The following TMEM63C variants were observed in gnomAD, a reference collection of about 807,000 sequenced individuals.
TMEM63C encodes transmembrane protein 63C, also known as osmosensitive cation channel TMEM63C.
TMEM63C carries 32 observed loss-of-function variants against 99.2 expected under a neutral mutation model. The observed-to-expected ratio is 0.32, with a 90% CI of 0.24 to 0.43. The LOEUF (loss-of-function observed/expected upper bound fraction) is 0.43, where lower values mean the gene tolerates loss of function less well. TMEM63C is among the 20% of genes least tolerant of loss of function. TMEM63C has a pLI of 1.00. For synonymous variants in TMEM63C, 376 were observed against 397.9 expected, an observed-to-expected ratio of 0.94 and a Z score of 0.66; for missense variants, 826 against 1,053.0, an observed-to-expected ratio of 0.78 and a Z score of 2.98.
chr14:77,186,890 G>T (rs1258421787), intron 1 of TMEM63C, among the ~76,000 whole-genome samples: 1 of 151,720 alleles, frequency 6.6e-6, no homozygotes, highest in Non-Finnish European at 1.5e-5. Context: ...GCTGGACCAG[G>T]GATCCTTCCT....
At chr14:77,253,681 G>A (rs1166397369) in intron 23 of TMEM63C, among the ~76,000 whole-genome samples, 3 of 152,246 alleles carry the variant, frequency 2.0e-5, no homozygotes, top group Non-Finnish European at 4.4e-5. Context: ...TCATGTAGAC[G>A]CAGGGGGGCC....
Position 77,239,616 on chromosome 14 carries a change from C to T in TMEM63C, c.820C>T (p.Arg274Trp), listed in dbSNP as rs747557554. Residue 274 changes from arginine (R) to tryptophan (W), a missense_variant, in exon 12 of 24, where the codon CGG becomes TGG. Arg to Trp is a moderately radical substitution (Grantham distance 101, BLOSUM62 -3). Coordinates refer to ENST00000298351, the MANE Select transcript of TMEM63C (RefSeq NM_020431.4). Reference protein sequence around the residue: ...DLDDQRRHAMRGRLFYTAKAK... With the variant: ...DLDDQRRHAMWGRLFYTAKAK... ...CACCGCTGGCAGGCGCCATGCCATG[C>T]GGGGCCGGCTTTTCTATACAGCCAA... 25 of 1,613,122 alleles carry T rather than the reference C, an allele frequency of 1.5e-5. No individual in the cohort carries two copies. The highest frequency in any genetic ancestry group is 4.5e-5 in the East Asian group (2 of 44,886).
At chr14:77,183,580 G>T (rs149327026) in intron 1 of TMEM63C, among the ~76,000 whole-genome samples, 1 of 152,104 alleles carries the variant, frequency 6.6e-6, no homozygotes, top group Non-Finnish European at 1.5e-5. Context: ...ACAGGTAGAG[G>T]GACTTCATTT....
intron 23 of TMEM63C, among the ~76,000 whole-genome samples, chr14:77,255,149 C>T: frequency 6.6e-6 from 1 of 152,146 alleles, no homozygotes; most frequent in Admixed American, 6.6e-5. Flanking sequence ...TGCCATCACA[C>T]CTGGCTAATT....
chr14:77,197,718 C>A (rs948166097), intron 1 of TMEM63C, among the ~76,000 whole-genome samples: 3 of 152,244 alleles, frequency 2.0e-5, no homozygotes, highest in African/African-American at 7.2e-5. Context: ...CTACAACCAA[C>A]CATGACTCCC....
In TMEM63C at chr14:77,233,790, C is replaced by G. The variant is rs1594863377; in HGVS notation, c.542+290C>G. Among the ~76,000 whole-genome samples the G allele has an allele frequency of 2.0e-5, 3 of 151,992 alleles. No individual in the cohort carries two copies. The South Asian group carries it at 6.2e-4, about 32-fold the overall frequency. ...CCTATTTGCTTAGTGTACCCAGATC[C>G]CAAGAGGCAGAGACCATGTGCTGAA... On this transcript the variant is annotated intron_variant, in intron 8 of 23. Transcript: ENST00000298351.
Position 77,258,426 on chromosome 14 carries a change from C to T in TMEM63C, c.*1700C>T, listed in dbSNP as rs1889514161. 2 of 152,380 alleles carry T rather than the reference C, an allele frequency of 1.3e-5. No homozygotes were observed. The highest frequency in any genetic ancestry group is 2.9e-5 in the Non-Finnish European group (2 of 68,136). The allele number at this position is 152,380 out of a possible 1,614,324, so 9.4% of individuals were successfully genotyped here. ...TCAATGGGCAGAAACTGCTATACCC[C>T]CAGGGCATGGCCCACATTTTGGCAT... On this transcript the variant is annotated 3_prime_UTR_variant, in exon 24 of 24. Transcript: ENST00000298351.
Position 77,244,431 on chromosome 14 carries a change from C to T in TMEM63C, c.1424C>T (p.Ala475Val). 1 of 1,613,920 alleles carries T rather than the reference C, an allele frequency of 6.2e-7. No homozygotes were observed. The highest frequency in any genetic ancestry group is 1.3e-5 in the African/African-American group (1 of 75,050). Residue 475 changes from alanine to valine, a missense_variant, in exon 16 of 24, where the codon GCC (alanine) becomes GTC (valine). Coordinates refer to ENST00000298351, the MANE Select transcript of TMEM63C (RefSeq NM_020431.4). ...VILPLIVYFS[A>V]FLEAHWTRSS... ...CTGCCTCTGATTGTCTACTTCTCCG[C>T]CTTCCTCGAGGCCCACTGGACCAGG...
At chr14:77,218,257 G>A (rs190163664) in intron 2 of TMEM63C, among the ~76,000 whole-genome samples, 6 of 145,378 alleles carry the variant, frequency 4.1e-5, no homozygotes, top group Non-Finnish European at 7.5e-5. Flanking sequence ...GGTGTTTCTT[G>A]AGTCACTGCA....
chr14:77,204,404 G>A (rs931743769), intron 1 of TMEM63C, among the ~76,000 whole-genome samples: 1 of 152,190 alleles, frequency 6.6e-6, no homozygotes, highest in African/African-American at 2.4e-5. Flanking sequence ...AGCTCCCTTT[G>A]TCCCTCTGTG....
chr14:77,240,878 C>G (rs1341657726), intron 13 of TMEM63C, among the ~76,000 whole-genome samples: 1 of 152,008 alleles, frequency 6.6e-6, no homozygotes, highest in East Asian at 1.9e-4. Context: ...AAGCCTTTGA[C>G]CTCATGGTCC....
At chr14:77,227,033 G>A (rs1888841242) in intron 6 of TMEM63C, among the ~76,000 whole-genome samples, 1 of 152,216 alleles carries the variant, frequency 6.6e-6, no homozygotes, top group Non-Finnish European at 1.5e-5. Flanking sequence ...CTCTTAAAGT[G>A]CTGGGATTAC....
In TMEM63C at chr14:77,219,561, C is replaced by T. The variant is rs1436402948; in HGVS notation, c.214C>T (p.Leu72=). The change falls in exon 4 of 24, where the codon CTG becomes TTG. Residue 72 remains leucine (L), a synonymous_variant. Transcript: ENST00000298351. ...AAWDYGRLAL[L]IHNDSLTSLI... is the part of the protein sequence containing the mutation. ...GTGGGACTATGGGCGCCTGGCTCTG[C>T]TGATACACAATGACAGGTGAGGAGG... is the stretch of plus-strand genomic sequence containing the variant. 9 of 1,613,966 alleles carry T rather than the reference C, an allele frequency of 5.6e-6. No homozygotes were observed. Among genetic ancestry groups the T allele is most frequent in the Non-Finnish European group, 7.6e-6 (9 of 1,179,888 alleles).
intron 1 of TMEM63C, among the ~76,000 whole-genome samples, chr14:77,194,497 C>CTTTTTCTTTG (rs56136475): frequency 8.7e-6 from 1 of 114,684 alleles, no homozygotes; most frequent in Non-Finnish European, 1.8e-5. Context: ...TTTCTTTTTT[C>CTTTTTCTTTG]TTTCTTTCTT....
At chr14:77,215,614 A>AAAAAAAAAAAAAAAGAAAAGAAAAG (rs772701077) in intron 2 of TMEM63C, among the ~76,000 whole-genome samples, 2 of 76,550 alleles carry the variant, frequency 2.6e-5, no homozygotes, top group East Asian at 4.5e-4. Context: ...AAAAAAAAAA[A>AAAAAAAAAAAAAAAGAAAAGAAAAG]AAAAGAAAAG....
At chr14:77,186,807 G>GTGTGTC (rs1888006470) in intron 1 of TMEM63C, among the ~76,000 whole-genome samples, 1 of 150,560 alleles carries the variant, frequency 6.6e-6, no homozygotes, top group Non-Finnish European at 1.5e-5. Context: ...GTGTCTGTGT[G>GTGTGTC]TGTGTGTGTG....
chr14:77,239,400 T>A lies in TMEM63C; in HGVS notation c.726-12T>A. 1 of 1,613,292 alleles carries A rather than the reference T, an allele frequency of 6.2e-7. No homozygotes were observed. Among genetic ancestry groups the A allele is most frequent in the Non-Finnish European group, 8.5e-7 (1 of 1,179,632 alleles). ...CCACAGGCCGACTCAGCACCCATGT[T>A]TGTGGCTGCAGCGAGGCCTATCCAG... On this transcript the variant is annotated splice_polypyrimidine_tract_variant and intron_variant, in intron 10 of 23. Transcript: ENST00000298351.
intron 6 of TMEM63C, 121 bp from the exon 7 acceptor site, chr14:77,231,467 T>C: frequency 1.0e-6 from 1 of 963,178 alleles, no homozygotes; most frequent in East Asian, 2.9e-5. Context: ...ATAGAGATAG[T>C]AAAAAAAAAA....
intron 5 of TMEM63C, among the ~76,000 whole-genome samples, chr14:77,223,473 C>A (rs1388453492): frequency 6.6e-6 from 1 of 152,138 alleles, no homozygotes; most frequent in Non-Finnish European, 1.5e-5. Context: ...GTGGCGGGGG[C>A]TCAGATAGGT....
Sources: allele counts gnomAD v4.1 joint callset (sites outside exome capture counted in the v4.1 genomes callset), GRCh38; gene constraint gnomAD v4.1.1; transcripts MANE v1.5; gene names NCBI Gene and HGNC (gene_info 2026-07-23, HGNC 2026-07-21).